Variants in SLC24A2 observed in about 807,000 individuals in gnomAD.
SLC24A2 encodes solute carrier family 24 member 2.
A neutral mutation model predicts 62.0 loss-of-function variants in SLC24A2; 36 were observed. That is an observed-to-expected ratio of 0.58 (90% CI 0.44 to 0.77). SLC24A2 has a LOEUF of 0.77. SLC24A2 is among the 30% of genes least tolerant of loss of function. The pLI, the probability that SLC24A2 is intolerant of heterozygous loss-of-function variation, is 0.00. For missense variants in SLC24A2, 846 were observed against 817.9 expected (o/e 1.03, Z -0.42); for synonymous variants, 358 against 294.0 (o/e 1.22, Z -2.23).
intron 2 of SLC24A2, among the ~76,000 whole-genome samples, chr9:19,719,453 T>C (rs964532640): frequency 6.6e-6 from 1 of 152,086 alleles, no homozygotes; most frequent in African/African-American, 2.4e-5. Flanking sequence ...GTTCTGCCTT[T>C]AACCATATTG....
chr9:20,044,852 C>G, the SLC24A2 span, among the ~76,000 whole-genome samples: 342 of 152,206 alleles, frequency 2.2e-3, 2 homozygotes, highest in African/African-American at 7.8e-3. Flanking sequence ...TTACCCCCAA[C>G]CACTCATACT....
chr9:19,527,987 A>C, intron 9 of SLC24A2, 62 bp downstream of exon 9: 1 of 1,032,566 alleles, frequency 9.7e-7, no homozygotes, highest in Non-Finnish European at 1.5e-6. Context: ...ACAATGATTA[A>C]ACACTTGACA....
chr9:19,703,774 C>G (rs1820425450), intron 2 of SLC24A2, among the ~76,000 whole-genome samples: 1 of 152,102 alleles, frequency 6.6e-6, no homozygotes, highest in South Asian at 2.1e-4. Flanking sequence ...ACATATATGA[C>G]AGGAAGTACT....
intron 2 of SLC24A2, among the ~76,000 whole-genome samples, chr9:19,768,711 G>A (rs1466825269): frequency 2.0e-5 from 3 of 152,170 alleles, no homozygotes; most frequent in Non-Finnish European, 4.4e-5. Flanking sequence ...GTTTATTTCA[G>A]GAATTTTCCA....
At chr9:20,066,777 C>A in the SLC24A2 span, among the ~76,000 whole-genome samples, 5 of 152,170 alleles carry the variant, frequency 3.3e-5, no homozygotes, top group Non-Finnish European at 7.3e-5. Context: ...TCACTACCTC[C>A]CCTCAGCAAA....
chr9:19,743,848 T>C (rs146622087), intron 2 of SLC24A2, among the ~76,000 whole-genome samples: 3 of 152,272 alleles, frequency 2.0e-5, no homozygotes, highest in Non-Finnish European at 2.9e-5. Flanking sequence ...ACAGTATAAA[T>C]GGACGGGTAC....
chr9:20,051,657 C>CTTTTTTTTTTTCTTTTTTTTTTTTTT, the SLC24A2 span, among the ~76,000 whole-genome samples: 1 of 73,514 alleles, frequency 1.4e-5, no homozygotes, highest in Non-Finnish European at 2.4e-5. Flanking sequence ...TTTTCTTTCT[C>CTTTTTTTTTTTCTTTTTTTTTTTTTT]TTTTTTTTTT....
At chr9:20,093,400 C>A in the SLC24A2 span, among the ~76,000 whole-genome samples, 1 of 151,916 alleles carries the variant, frequency 6.6e-6, no homozygotes, top group Non-Finnish European at 1.5e-5. Context: ...TACATTTAGT[C>A]TCCTTTTCTT....
chr9:19,677,221 C>A (rs1053453756), intron 2 of SLC24A2, among the ~76,000 whole-genome samples: 1 of 152,152 alleles, frequency 6.6e-6, no homozygotes, highest in Non-Finnish European at 1.5e-5. Context: ...AAATGTAGTA[C>A]GTATACACAA....
At chr9:20,106,405 T>C in the SLC24A2 span, among the ~76,000 whole-genome samples, 136 of 152,228 alleles carry the variant, frequency 8.9e-4, 2 homozygotes, top group East Asian at 0.02. Flanking sequence ...AAAAAGAGAA[T>C]TTTAGACCAA....
At chr9:19,918,873 A>G in the SLC24A2 span, among the ~76,000 whole-genome samples, 1 of 152,148 alleles carries the variant, frequency 6.6e-6, no homozygotes, top group Non-Finnish European at 1.5e-5. Context: ...AACGCCTATA[A>G]AAAAGGGGGC....
At chr9:19,869,043 A>T in the SLC24A2 span, among the ~76,000 whole-genome samples, 2 of 152,084 alleles carry the variant, frequency 1.3e-5, no homozygotes, top group Non-Finnish European at 2.9e-5. Context: ...GTGCAGTGGC[A>T]GGAACACGGC....
At chr9:20,231,236 T>A in the SLC24A2 span, among the ~76,000 whole-genome samples, 6 of 152,222 alleles carry the variant, frequency 3.9e-5, no homozygotes, top group African/African-American at 1.4e-4. Context: ...TGGTCCCATA[T>A]GAACTTTAAG....
At chr9:20,188,201 A>G in the SLC24A2 span, among the ~76,000 whole-genome samples, 1 of 152,184 alleles carries the variant, frequency 6.6e-6, no homozygotes. Flanking sequence ...AAATTAGAGA[A>G]CACTCTCCAC....
chr9:19,593,859 T>A (rs1836627128), intron 5 of SLC24A2, among the ~76,000 whole-genome samples: 1 of 152,136 alleles, frequency 6.6e-6, no homozygotes, highest in South Asian at 2.1e-4. Flanking sequence ...AGTTTCCTCA[T>A]CTAATAAAAT....
chr9:19,528,207 C>G (rs1833527692), intron 8 of SLC24A2, 69 bp from the exon 9 acceptor site: 1 of 1,033,180 alleles, frequency 9.7e-7, no homozygotes, highest in African/African-American at 1.6e-5. Flanking sequence ...AAATCCAAAG[C>G]TAAAGCCACC....
the SLC24A2 span, among the ~76,000 whole-genome samples, chr9:19,947,828 G>T: frequency 7.1e-6 from 1 of 141,654 alleles, no homozygotes. Context: ...AAGAAAGAAA[G>T]AAAGAAAGAA....
the SLC24A2 span, among the ~76,000 whole-genome samples, chr9:20,001,573 C>T: frequency 5.9e-5 from 9 of 152,222 alleles, no homozygotes; most frequent in South Asian, 1.7e-3. Context: ...TGAAAAAAGG[C>T]GTCTCAGTCC....
the SLC24A2 span, among the ~76,000 whole-genome samples, chr9:20,196,446 A>AT: frequency 5.8e-4 from 88 of 152,312 alleles, no homozygotes; most frequent in East Asian, 0.015. Context: ...TATGTAATTG[A>AT]TTTTTTTAAA....
Sources: allele counts gnomAD v4.1 joint callset (sites outside exome capture counted in the v4.1 genomes callset), GRCh38; gene constraint gnomAD v4.1.1; transcripts MANE v1.5; gene names NCBI Gene and HGNC (gene_info 2026-07-23, HGNC 2026-07-21).